IL18R1: variants seen among roughly 807,000 people sequenced by gnomAD.
IL18R1 encodes the protein interleukin-18 receptor 1.
IL18R1 carries 40 observed loss-of-function variants against 48.5 expected under a neutral mutation model. The observed-to-expected ratio is 0.82, with a 90% CI of 0.64 to 1.07. IL18R1 has a LOEUF of 1.07. IL18R1 is among the 50% of genes least tolerant of loss of function. The pLI is 0.00. For missense variants in IL18R1, 596 were observed against 633.7 expected (o/e 0.94, Z 0.64); for synonymous variants, 232 against 225.9 (o/e 1.03, Z -0.24).
chr2:102,376,443 T>C (rs566070375), intron 5 of IL18R1, among the ~76,000 whole-genome samples: 1 of 152,326 alleles, frequency 6.6e-6, no homozygotes, highest in Non-Finnish European at 1.5e-5. Context: ...AAGTATGAGA[T>C]GAAGTGAGCA....
At chr2:102,393,892 T>A (rs962905439) in intron 9 of IL18R1, among the ~76,000 whole-genome samples, 1 of 152,196 alleles carries the variant, frequency 6.6e-6, no homozygotes, top group Non-Finnish European at 1.5e-5. Flanking sequence ...TATTCTTTTT[T>A]TGTTATGCTA....
At chr2:102,379,444 CAAAA>C (rs112656218) in intron 5 of IL18R1, among the ~76,000 whole-genome samples, 2 of 102,942 alleles carry the variant, frequency 1.9e-5, no homozygotes, top group Admixed American at 1.1e-4. Context: ...GACTCGGTCT[CAAAA>C]AAAAAAAAAA....
intron 9 of IL18R1, among the ~76,000 whole-genome samples, chr2:102,390,934 C>CAAAAAAAAAAAAAAAA (rs57709990): frequency 3.7e-5 from 3 of 80,224 alleles, no homozygotes; most frequent in East Asian, 3.6e-4. Flanking sequence ...GACTCCGTCT[C>CAAAAAAAAAAAAAAAA]AAAAAAAAAA....
intron 8 of IL18R1, 108 bp from the exon 9 acceptor site, chr2:102,389,948 C>T: frequency 9.9e-7 from 1 of 1,011,146 alleles, no homozygotes; most frequent in Non-Finnish European, 1.5e-6. Flanking sequence ...CGTGGGTTGG[C>T]AACTACTGCA....
At chr2:102,360,218 G>T (rs1202659838) in intron 1 of IL18R1, among the ~76,000 whole-genome samples, 3 of 152,152 alleles carry the variant, frequency 2.0e-5, no homozygotes, top group Admixed American at 6.5e-5. Flanking sequence ...CAGGAAAAAT[G>T]CTCATTATGT....
intron 6 of IL18R1, among the ~76,000 whole-genome samples, chr2:102,382,269 C>T (rs1376112111): frequency 2.6e-5 from 4 of 151,792 alleles, no homozygotes; most frequent in Non-Finnish European, 4.4e-5. Flanking sequence ...AAGACTCTAT[C>T]TCAAAAATAA....
At chr2:102,395,641 T>C (rs780776087) in intron 10 of IL18R1, among the ~76,000 whole-genome samples, 17 of 152,342 alleles carry the variant, frequency 1.1e-4, no homozygotes, top group Non-Finnish European at 2.4e-4. Context: ...TTAGGAAGCA[T>C]TTATTCTGGG....
intron 6 of IL18R1, among the ~76,000 whole-genome samples, chr2:102,384,295 C>T (rs1432646829): frequency 6.6e-6 from 1 of 152,224 alleles, no homozygotes; most frequent in Non-Finnish European, 1.5e-5. Flanking sequence ...TCCTTTTACG[C>T]TGTCCGAGCG....
At chr2:102,374,970 C>G (rs997625515) in intron 4 of IL18R1, among the ~76,000 whole-genome samples, 7 of 152,116 alleles carry the variant, frequency 4.6e-5, no homozygotes, top group Non-Finnish European at 1.0e-4. Context: ...AGTCTCTGAT[C>G]TTTTCTATAG....
chr2:102,367,941 A>G lies in IL18R1; in HGVS notation c.175A>G (p.Ser59Gly), dbSNP rs1370238586. ...AACAACCACCAAAAGCTGGTACAAA[A>G]GCAGTGGATCACAGGAACATGTGGA... ...IETTTKSWYK[S>G]SGSQEHVELN... Residue 59 changes from serine (S) to glycine (G), a missense_variant, in exon 3 of 11, where the codon AGC becomes GGC. By Grantham distance (56) the Ser-to-Gly change is moderately conservative (BLOSUM62 0). This residue lies in a region of IL18R1 where 360 missense variants were observed against 339.4 expected (regional missense o/e 1.06). Coordinates refer to ENST00000233957, the MANE Select transcript of IL18R1 (RefSeq NM_003855.5). 1.2e-6 allele frequency: 2 copies of G among 1,614,250 alleles called. No homozygotes were observed. Among genetic ancestry groups the G allele is most frequent in the Admixed American group, 1.7e-5 (1 of 60,034 alleles).
At chr2:102,362,940 G>A in intron 2 of IL18R1, 1 of 351,550 alleles carries the variant, frequency 2.8e-6, no homozygotes, top group South Asian at 8.8e-5. Flanking sequence ...ATTTGAAACT[G>A]AGGAGGTGGC....
At chr2:102,360,068 C>CA (rs559737702) in intron 1 of IL18R1, among the ~76,000 whole-genome samples, 200 of 152,096 alleles carry the variant, frequency 1.3e-3, no homozygotes, top group African/African-American at 4.7e-3. Context: ...GCCCATCCTG[C>CA]AAAAAAACTG....
intron 9 of IL18R1, among the ~76,000 whole-genome samples, chr2:102,392,374 C>T (rs1372869091): frequency 6.6e-6 from 1 of 152,194 alleles, no homozygotes; most frequent in Non-Finnish European, 1.5e-5. Flanking sequence ...TGACTAGCTC[C>T]TCTCTTTCTG....
chr2:102,396,576 T>C lies in IL18R1; in HGVS notation c.1316T>C (p.Leu439Pro). The change falls in exon 11 of 11, where the codon CTA (leucine) becomes CCA (proline). Residue 439 changes from leucine (L) to proline (P), a missense_variant. Leu to Pro is a moderately conservative substitution (Grantham distance 98). Transcript: ENST00000233957. ...TCACTGATAGAGAAAAGCCGAAGACTAATCATTGTCCTAAGTAAAAGTTAT... is the reference window on the plus strand; with the variant it reads ...TCACTGATAGAGAAAAGCCGAAGACCAATCATTGTCCTAAGTAAAAGTTAT... Reference protein sequence around the residue: ...IHSLIEKSRRLIIVLSKSYMS... With the variant: ...IHSLIEKSRRPIIVLSKSYMS... 1.2e-6 allele frequency: 2 copies of C among 1,611,496 alleles called. No homozygotes were observed. The highest frequency in any genetic ancestry group is 1.3e-5 in the African/African-American group (1 of 74,910).
chr2:102,379,394 G>C (rs1431392237), intron 5 of IL18R1, among the ~76,000 whole-genome samples: 2 of 146,630 alleles, frequency 1.4e-5, no homozygotes, highest in African/African-American at 5.1e-5. Context: ...GCAGTGAGCC[G>C]AGGTTGTGCC....
At chr2:102,390,312 A>G in intron 9 of IL18R1, 95 bp downstream of exon 9, 2 of 1,169,422 alleles carry the variant, frequency 1.7e-6, no homozygotes, top group Non-Finnish European at 2.5e-6. Flanking sequence ...ATGATATTGT[A>G]GAATTAATCT....
chr2:102,364,202 C>A (rs1678751240), intron 2 of IL18R1, among the ~76,000 whole-genome samples: 1 of 152,166 alleles, frequency 6.6e-6, no homozygotes, highest in Non-Finnish European at 1.5e-5. Flanking sequence ...TTTATAGAAG[C>A]TTTTTAAGAC....
chr2:102,377,663 C>A (rs1355674627), intron 5 of IL18R1, among the ~76,000 whole-genome samples: 1 of 152,250 alleles, frequency 6.6e-6, no homozygotes, highest in East Asian at 1.9e-4. Flanking sequence ...CTAGAGACCA[C>A]TTGCATTTCT....
chr2:102,394,330 A>C, intron 9 of IL18R1, 139 bp from the exon 10 acceptor site: 1 of 547,628 alleles, frequency 1.8e-6, no homozygotes, highest in Non-Finnish European at 3.1e-6. Flanking sequence ...TTAGCATGGG[A>C]GGTTTAAATA....
Sources: allele counts gnomAD v4.1 joint callset (sites outside exome capture counted in the v4.1 genomes callset), GRCh38; gene constraint gnomAD v4.1.1; regional missense constraint gnomAD v4.1.1; transcripts MANE v1.5; gene names NCBI Gene and HGNC (gene_info 2026-07-23, HGNC 2026-07-21).